Variants in SNX9 observed in about 807,000 individuals in gnomAD.
SNX9 encodes the protein sorting nexin 9, also known as sorting nexin-9.
Under a neutral mutation model 89.4 loss-of-function variants are expected in SNX9, and 44 were observed. That is an observed-to-expected ratio of 0.49 (90% CI 0.39 to 0.63). The LOEUF is 0.63. Ranked by LOEUF, SNX9 falls within the 30% of genes least tolerant of loss-of-function variation. The pLI is 0.00. For synonymous variants in SNX9, 236 were observed against 247.8 expected, an observed-to-expected ratio of 0.95 and a Z score of 0.45; for missense variants, 578 against 736.1, an observed-to-expected ratio of 0.79 and a Z score of 2.49.
chr6:157,859,717 A>G (rs1174121125), intron 1 of SNX9, among the ~76,000 whole-genome samples: 1 of 152,172 alleles, frequency 6.6e-6, no homozygotes, highest in Non-Finnish European at 1.5e-5. Context: ...TTTGTCATGC[A>G]TTTAAGGGCC....
chr6:157,870,591 A>G (rs1418718968), intron 2 of SNX9, among the ~76,000 whole-genome samples: 2 of 142,770 alleles, frequency 1.4e-5, no homozygotes, highest in Non-Finnish European at 3.0e-5. Context: ...CCGTGCAAGC[A>G]CACACACCCC....
chr6:157,925,649 A>G (rs1023940056), intron 10 of SNX9, among the ~76,000 whole-genome samples: 7 of 152,086 alleles, frequency 4.6e-5, no homozygotes, highest in South Asian at 2.1e-4. Context: ...GTAGTTCTAC[A>G]CAAGATTTTG....
At chr6:157,830,280 A>G (rs747126957) in intron 1 of SNX9, 5 of 152,180 alleles carry the variant, frequency 3.3e-5, no homozygotes, top group Non-Finnish European at 7.3e-5. Context: ...TAAATCTCTT[A>G]TATGTCTCTT....
rs189528655 is a variant in SNX9 at position 157,940,809 on chromosome 6, C to T, written c.1649-74C>T. ...AGGTCAGGTTGATGATTAATTGTAA[C>T]TGAGCAGAGAAACCAGGTGTTGTCA... is the stretch of plus-strand genomic sequence containing the variant. On this transcript the variant is annotated intron_variant, in intron 16 of 17. Transcript: ENST00000392185. 105 of 1,317,074 alleles carry T rather than the reference C, an allele frequency of 8.0e-5. 1 individual carries two copies. The Middle Eastern group carries it at 1.2e-3, about 15-fold the overall frequency. 81.6% of individuals were successfully genotyped at this position (1,317,074 alleles called of 1,614,324 possible).
chr6:157,924,208 A>AAT (rs1310266207), intron 10 of SNX9, among the ~76,000 whole-genome samples: 1 of 151,840 alleles, frequency 6.6e-6, no homozygotes, highest in Non-Finnish European at 1.5e-5. Context: ...AATATATATA[A>AAT]ATATATATAT....
chr6:157,943,989 A>G lies in SNX9; in HGVS notation c.*1151A>G, dbSNP rs1190048076. 1 of 152,366 alleles carries G rather than the reference A, an allele frequency of 6.6e-6. No homozygotes were observed. Among genetic ancestry groups the G allele is most frequent in the East Asian group, 1.9e-4 (1 of 5,202 alleles). The allele number at this position is 152,366 out of a possible 1,614,324, so 9.4% of individuals were successfully genotyped here. ...CTCTGAGGTTGGAGAGAAAGAACAG[A>G]CCAGCGCCCTTCCCGACTACATCCG... On this transcript the variant is annotated 3_prime_UTR_variant, in exon 18 of 18. Transcript: ENST00000392185.
At chr6:157,908,498 T>A (rs940487867) in intron 7 of SNX9, among the ~76,000 whole-genome samples, 1 of 152,226 alleles carries the variant, frequency 6.6e-6, no homozygotes, top group Non-Finnish European at 1.5e-5. Flanking sequence ...TCCTGCAGTC[T>A]GAACCTCTAG....
chr6:157,927,930 A>AAC (rs71689763), intron 11 of SNX9, among the ~76,000 whole-genome samples: 20,287 of 148,916 alleles, frequency 0.14, 1,357 homozygotes, highest in African/African-American at 0.15. Context: ...ATAGACAAGT[A>AAC]ACACACACAC....
chr6:157,897,773 C>T (rs533763699), intron 5 of SNX9, among the ~76,000 whole-genome samples: 2 of 152,356 alleles, frequency 1.3e-5, no homozygotes, highest in Non-Finnish European at 2.9e-5. Context: ...GCCTCAGCCT[C>T]CCAAAGTGCT....
intron 4 of SNX9, among the ~76,000 whole-genome samples, chr6:157,896,509 AAAAGTAGTGGTT>A (rs1782979962): frequency 6.6e-6 from 1 of 152,212 alleles, no homozygotes; most frequent in Non-Finnish European, 1.5e-5. Flanking sequence ...ACAGGTTCAG[AAAAGTAGTGGTT>A]ACTTCTGGAG....
intron 10 of SNX9, 100 bp downstream of exon 10, chr6:157,921,761 T>G: frequency 7.6e-7 from 1 of 1,320,952 alleles, no homozygotes; most frequent in Non-Finnish European, 1.0e-6. Flanking sequence ...TGGTTAGTTA[T>G]TTCTCACTTC....
intron 5 of SNX9, 108 bp downstream of exon 5, chr6:157,897,106 A>T: frequency 9.0e-7 from 1 of 1,111,254 alleles, no homozygotes; most frequent in Non-Finnish European, 1.2e-6. Flanking sequence ...AACACAGAAC[A>T]GTTTTGTGAC....
At chr6:157,942,597 G>T (rs1481750429) in intron 17 of SNX9, among the ~76,000 whole-genome samples, 194 bp from the exon 18 acceptor site, 1 of 152,256 alleles carries the variant, frequency 6.6e-6, no homozygotes, top group Admixed American at 6.5e-5. Flanking sequence ...GCCAGCTCGG[G>T]CCCCAGCGCT....
intron 1 of SNX9, among the ~76,000 whole-genome samples, chr6:157,857,629 C>G (rs1226078687): frequency 6.8e-6 from 1 of 148,012 alleles, no homozygotes; most frequent in Non-Finnish European, 1.5e-5. Context: ...TTGTGGACTT[C>G]GTACTTTTCT....
intron 1 of SNX9, among the ~76,000 whole-genome samples, chr6:157,837,458 A>G (rs1230277912): frequency 6.6e-6 from 1 of 152,226 alleles, no homozygotes; most frequent in East Asian, 1.9e-4. Context: ...CCTGTTCTTA[A>G]ATTACTTATA....
At chr6:157,831,419 A>T (rs1481661011) in intron 1 of SNX9, among the ~76,000 whole-genome samples, 2 of 152,228 alleles carry the variant, frequency 1.3e-5, no homozygotes, top group Non-Finnish European at 2.9e-5. Flanking sequence ...ATAAATATGG[A>T]CCTGGCATCT....
At chr6:157,828,836 C>G (rs1781430957) in intron 1 of SNX9, among the ~76,000 whole-genome samples, 1 of 152,132 alleles carries the variant, frequency 6.6e-6, no homozygotes, top group African/African-American at 2.4e-5. Flanking sequence ...CTGATGTCCC[C>G]GCCCCTGTTT....
At chr6:157,841,876 T>C (rs1056089935) in intron 1 of SNX9, among the ~76,000 whole-genome samples, 3 of 152,208 alleles carry the variant, frequency 2.0e-5, no homozygotes, top group African/African-American at 7.2e-5. Context: ...TTTTTATTTA[T>C]AAAAATTTTA....
chr6:157,863,645 A>G (rs759782630), intron 1 of SNX9, among the ~76,000 whole-genome samples: 3 of 152,240 alleles, frequency 2.0e-5, no homozygotes, highest in Non-Finnish European at 4.4e-5. Context: ...CAAAGACCAC[A>G]TGGAAAATAG....
Sources: gnomAD v4.1 joint callset for allele counts (sites outside exome capture counted in the v4.1 genomes callset) on GRCh38, gnomAD v4.1.1 for gene constraint, MANE v1.5 for transcripts, NCBI Gene and HGNC (gene_info 2026-07-23, HGNC 2026-07-21) for gene names.